Variants in CSMD3 observed in about 807,000 individuals in gnomAD.
The protein encoded by CSMD3 is CUB and sushi domain-containing protein 3.
Under a neutral mutation model 435.2 loss-of-function variants are expected in CSMD3, and 177 were observed. That is an observed-to-expected ratio of 0.41 (90% confidence interval 0.36 to 0.46). The LOEUF (loss-of-function observed/expected upper bound fraction) is 0.46. Among genes scored for constraint, CSMD3 ranks in the 20% least tolerant of loss-of-function variants. CSMD3 has a pLI of 0.34. For missense variants in CSMD3, 4,265 were observed against 4,504.6 expected (o/e 0.95, Z 1.52); for synonymous variants, 1,656 against 1,520.5 (o/e 1.09, Z -2.07).
chr8:113,155,359 C>T (rs879322150), intron 4 of CSMD3, among the ~76,000 whole-genome samples: 1 of 152,036 alleles, frequency 6.6e-6, no homozygotes, highest in Admixed American at 6.6e-5. Context: ...TAACGCTTGA[C>T]ATATACATAG....
chr8:112,308,706 A>G (rs1034261134), intron 50 of CSMD3, among the ~76,000 whole-genome samples: 3 of 152,074 alleles, frequency 2.0e-5, no homozygotes, highest in Non-Finnish European at 4.4e-5. Flanking sequence ...GGGGGGGATC[A>G]ATAGTTATGT....
At chr8:113,405,508 T>C (rs909185092) in intron 1 of CSMD3, among the ~76,000 whole-genome samples, 3 of 151,674 alleles carry the variant, frequency 2.0e-5, no homozygotes, top group Admixed American at 2.0e-4. Flanking sequence ...ATAGAAGTGT[T>C]TTAAAAACCT....
At chr8:113,195,991 G>A (rs1262359788) in intron 3 of CSMD3, among the ~76,000 whole-genome samples, 1 of 150,356 alleles carries the variant, frequency 6.7e-6, no homozygotes, top group African/African-American at 2.4e-5. Flanking sequence ...GAGGAAAGGT[G>A]TCATCCTTGC....
intron 59 of CSMD3, among the ~76,000 whole-genome samples, chr8:112,273,641 G>A (rs1178587161): frequency 6.6e-6 from 1 of 151,218 alleles, no homozygotes; most frequent in East Asian, 2.0e-4. Flanking sequence ...CAGGAGAATG[G>A]CGTGAACCCG....
At chr8:112,685,234 G>A (rs1399925275) in intron 15 of CSMD3, among the ~76,000 whole-genome samples, 172 bp downstream of exon 15, 3 of 152,054 alleles carry the variant, frequency 2.0e-5, no homozygotes, top group African/African-American at 7.2e-5. Flanking sequence ...ATAATAGAGA[G>A]TAAAATGTGA....
intron 31 of CSMD3, among the ~76,000 whole-genome samples, chr8:112,486,984 A>T (rs1820201199): frequency 6.6e-6 from 1 of 152,232 alleles, no homozygotes. Context: ...GTGAGCTAGT[A>T]GTTCATTAAC....
chr8:113,349,966 T>C (rs549032129), intron 1 of CSMD3, among the ~76,000 whole-genome samples: 71 of 152,032 alleles, frequency 4.7e-4, no homozygotes, highest in Non-Finnish European at 8.1e-4. Flanking sequence ...GTCTACCTCT[T>C]GAGAAGCCTG....
chr8:113,163,058 T>G (rs1045694431), intron 4 of CSMD3, among the ~76,000 whole-genome samples: 1 of 152,114 alleles, frequency 6.6e-6, no homozygotes, highest in African/African-American at 2.4e-5. Context: ...TGACCTCTTC[T>G]CCATCATCAT....
rs756199773 is a variant in CSMD3 at position 113,136,490 on chromosome 8, A to G, written c.709+37232T>C. On this transcript the variant is annotated intron_variant, in intron 4 of 70. Coordinates refer to ENST00000297405, the MANE Select transcript of CSMD3 (RefSeq NM_198123.2). ...ATGGTGTTAGATGAAGAGGTAGACA[A>G]AGGCAAAATCTTAGAGTGCCTTTCT... Among the ~76,000 whole-genome samples the G allele has an allele frequency of 2.0e-5, 3 of 151,756 alleles. No individual in the cohort carries two copies. In the South Asian group the frequency reaches 6.2e-4, roughly 31 times the overall value.
chr8:112,744,880 C>T (rs879462868), intron 13 of CSMD3, among the ~76,000 whole-genome samples: 4 of 152,168 alleles, frequency 2.6e-5, no homozygotes, highest in Non-Finnish European at 4.4e-5. Flanking sequence ...GATGATTCGG[C>T]GGTCAAATTA....
At chr8:113,341,109 C>A (rs2094115745) in intron 1 of CSMD3, among the ~76,000 whole-genome samples, 1 of 151,920 alleles carries the variant, frequency 6.6e-6, no homozygotes. Flanking sequence ...TGTTTCCATA[C>A]ATATATATGG....
At chr8:112,472,839 A>G in intron 31 of CSMD3, 132 bp from the exon 32 acceptor site, 1 of 650,884 alleles carries the variant, frequency 1.5e-6, no homozygotes, top group Non-Finnish European at 2.8e-6. Flanking sequence ...ATCTTATAAT[A>G]AGATCCTCTA....
At chr8:113,272,882 G>T (rs571682197) in intron 3 of CSMD3, among the ~76,000 whole-genome samples, 3 of 152,206 alleles carry the variant, frequency 2.0e-5, no homozygotes, top group Admixed American at 1.3e-4. Context: ...ATAAACAGGG[G>T]TTGGTTCATG....
intron 13 of CSMD3, among the ~76,000 whole-genome samples, chr8:112,756,667 T>C (rs2077705937): frequency 6.6e-6 from 1 of 152,184 alleles, no homozygotes; most frequent in South Asian, 2.1e-4. Flanking sequence ...TTCTGAGTTG[T>C]ACATGTACTA....
chr8:112,947,691 C>T (rs2130796876), intron 9 of CSMD3, 99 bp downstream of exon 9: 2 of 650,304 alleles, frequency 3.1e-6, no homozygotes, highest in Non-Finnish European at 5.5e-6. Context: ...AGTTTGATGC[C>T]ACTAAGACTT....
chr8:113,286,132 T>C (rs1563652545), intron 2 of CSMD3, among the ~76,000 whole-genome samples: 2 of 152,124 alleles, frequency 1.3e-5, no homozygotes, highest in African/African-American at 2.4e-5. Flanking sequence ...GCATTTTATG[T>C]TTTACTAGAC....
At chr8:113,110,929 C>A (rs185536473) in intron 4 of CSMD3, among the ~76,000 whole-genome samples, 2 of 152,238 alleles carry the variant, frequency 1.3e-5, no homozygotes, top group South Asian at 4.1e-4. Flanking sequence ...AGAGATGGTG[C>A]CTTCTTGCTG....
chr8:112,321,837 G>A (rs186601513), intron 45 of CSMD3, among the ~76,000 whole-genome samples: 11 of 152,176 alleles, frequency 7.2e-5, no homozygotes, highest in Non-Finnish European at 1.5e-4. Flanking sequence ...AGACTTGCTG[G>A]GAAAGAACCC....
At position 112,599,173 on chromosome 8, in the gene CSMD3, G is replaced by GAA. The variant is rs756080621; in HGVS notation, c.3716-11940_3716-11939dup. Among the ~76,000 whole-genome samples the GAA allele has an allele frequency of 2.2e-3, 293 of 135,746 alleles. 5 individuals carry two copies. Among genetic ancestry groups the GAA allele is most frequent in the African/African-American group, 5.7e-3 (205 of 36,182 alleles). 89.1% of individuals were successfully genotyped at this position (135,746 alleles called of 152,430 possible). ...ACAATGAACTCAAACAAATTTAAAA[G>GAA]AAAAAAAAAACAACCCCATCAAAAA... On this transcript the variant is annotated intron_variant, in intron 22 of 70. Coordinates refer to ENST00000297405, the MANE Select transcript of CSMD3 (RefSeq NM_198123.2).
Sources: gnomAD v4.1 joint callset for allele counts (sites outside exome capture counted in the v4.1 genomes callset) on GRCh38, gnomAD v4.1.1 for gene constraint, MANE v1.5 for transcripts, NCBI Gene and HGNC (gene_info 2026-07-23, HGNC 2026-07-21) for gene names.